Variants in FGL1 observed in about 807,000 individuals in gnomAD.
The protein encoded by FGL1 is fibrinogen-like protein 1.
A neutral mutation model predicts 43.7 loss-of-function variants in FGL1; 59 were observed. The observed-to-expected ratio is 1.35, with a 90% CI of 1.10 to 1.68. The LOEUF is 1.68. Ranked by LOEUF, FGL1 falls within the 40% of genes most tolerant of loss-of-function variation. FGL1 has a pLI of 0.00. For missense variants in FGL1, 596 were observed against 373.0 expected (o/e 1.60, Z -4.92); for synonymous variants, 192 against 126.5 (o/e 1.52, Z -3.48).
intron 5 of FGL1, 131 bp from the exon 6 acceptor site, chr8:17,869,135 T>C: frequency 1.8e-6 from 1 of 570,056 alleles, no homozygotes; most frequent in Non-Finnish European, 3.1e-6. Context: ...TTTTCAAAGA[T>C]TAAACAGTGA....
rs770590110 is a variant in FGL1 at position 17,882,133 on chromosome 8, AC to A, written c.109del (p.Val37CysfsTer86). The A allele has an allele frequency of 4.2e-5, 68 of 1,613,832 alleles. No homozygotes were observed. The highest frequency in any genetic ancestry group is 5.8e-5 in the Non-Finnish European group (68 of 1,180,004). On this transcript the variant is annotated frameshift_variant, in exon 3 of 8. Transcript: ENST00000427924. LOFTEE classifies it high-confidence loss of function. ...TTTGACCCGGGTCTCAAGCAGGCGC[AC>A]CTGGGCTCTGAGCCGCATCTGCTCC... ...AQEQMRLRAQ[V>X]RLLETRVKQQ...
Position 17,883,674 on chromosome 8 carries a change from T to C in FGL1, c.64-1495A>G, listed in dbSNP as rs1191109719. On this transcript the variant is annotated intron_variant, in intron 2 of 7. Transcript: ENST00000427924. Reference sequence around the variant, plus strand: ...ATAATACATTTATATTTATATAGTCTATAATATATATATATTTTTTATATA... The same window carrying C: ...ATAATACATTTATATTTATATAGTCCATAATATATATATATTTTTTATATA... 2.1e-5 allele frequency among the ~76,000 whole-genome samples: 3 copies of C among 146,156 alleles called. No individual in the cohort carries two copies. In the East Asian group the frequency reaches 5.9e-4, roughly 29 times the overall value.
rs553953738 is a variant in FGL1, at chr8:17,870,935, T to C, written c.503-1931A>G. 5.5e-4 allele frequency among the ~76,000 whole-genome samples: 70 copies of C among 127,656 alleles called. 1 individual carries two copies. The South Asian group carries it at 0.017, about 31-fold the overall frequency. 83.7% of individuals were successfully genotyped at this position (127,656 alleles called of 152,430 possible). ...AAAAAAGCCATTTTTTAGCCTCCCC[T>C]CAAGCTTAAGGGTGCACACACCAGG... On this transcript the variant is annotated intron_variant, in intron 5 of 7. Coordinates refer to ENST00000427924, the MANE Select transcript of FGL1 (RefSeq NM_004467.4).
intron 7 of FGL1, among the ~76,000 whole-genome samples, chr8:17,866,485 T>C (rs2053271378): frequency 6.6e-6 from 1 of 152,202 alleles, no homozygotes; most frequent in Non-Finnish European, 1.5e-5. Flanking sequence ...ATAGTAGGCA[T>C]GGTAGAAGTA....
At chr8:17,883,424 A>C (rs1395060033) in intron 2 of FGL1, among the ~76,000 whole-genome samples, 1 of 62,864 alleles carries the variant, frequency 1.6e-5, no homozygotes, top group African/African-American at 5.3e-5. Flanking sequence ...AAAATATATA[A>C]TATGAATATA....
intron 3 of FGL1, among the ~76,000 whole-genome samples, chr8:17,881,693 G>A (rs34517578): frequency 0.011 from 1,618 of 151,566 alleles, 11 homozygotes; most frequent in Non-Finnish European, 0.017. Context: ...AAGTAGCCGG[G>A]CCTGGTGGTG....
chr8:17,866,125 C>G (rs2053266168), intron 7 of FGL1, among the ~76,000 whole-genome samples: 1 of 152,148 alleles, frequency 6.6e-6, no homozygotes. Flanking sequence ...TTTGGTCTAT[C>G]ATTTGAATCC....
At chr8:17,890,165 C>T (rs560622408) in intron 1 of FGL1, among the ~76,000 whole-genome samples, 2 of 152,308 alleles carry the variant, frequency 1.3e-5, no homozygotes, top group Non-Finnish European at 2.9e-5. Context: ...AAAGACTCTA[C>T]GTTCAAAATT....
chr8:17,879,129 A>G (rs565050305), intron 3 of FGL1, among the ~76,000 whole-genome samples: 6 of 151,710 alleles, frequency 4.0e-5, no homozygotes, highest in South Asian at 2.1e-4. Flanking sequence ...TGGCTTTTAT[A>G]TCAAAAAACA....
At chr8:17,879,559 T>C (rs1001574322) in intron 3 of FGL1, among the ~76,000 whole-genome samples, 4 of 152,012 alleles carry the variant, frequency 2.6e-5, no homozygotes, top group African/African-American at 9.7e-5. Context: ...GAGATCTGGT[T>C]TTTGAAACAG....
Position 17,868,912 on chromosome 8 carries a change from G to T in FGL1, c.591+4C>A. 1 of 1,585,384 alleles carries T rather than the reference G, an allele frequency of 6.3e-7. No homozygotes were observed. The highest frequency in any genetic ancestry group is 1.2e-5 in the South Asian group (1 of 85,638). ...CGGTTTTACTTCTTAGAAAATTGTAGTACCTTTTCATCTCCAACTTTGAAA... is the reference window on the plus strand; with the variant it reads ...CGGTTTTACTTCTTAGAAAATTGTATTACCTTTTCATCTCCAACTTTGAAA... On this transcript the variant is annotated splice_donor_region_variant and intron_variant, in intron 6 of 7. Transcript: ENST00000427924.
chr8:17,889,136 A>G (rs2053669748), intron 1 of FGL1, among the ~76,000 whole-genome samples: 1 of 152,174 alleles, frequency 6.6e-6, no homozygotes, highest in African/African-American at 2.4e-5. Flanking sequence ...TATTACTTAC[A>G]TTAAAGGGCC....
intron 7 of FGL1, among the ~76,000 whole-genome samples, chr8:17,867,400 A>T (rs1253422160): frequency 6.6e-6 from 1 of 152,176 alleles, no homozygotes; most frequent in African/African-American, 2.4e-5. Context: ...AGGGGGAAAA[A>T]TCTTTTGGGT....
In FGL1 at chr8:17,882,120, C is replaced by G. The variant is rs888479866; in HGVS notation, c.123G>C (p.Glu41Asp). Reference sequence around the variant, plus strand: ...TGACCTGTTGCTGTTTGACCCGGGTCTCAAGCAGGCGCACCTGGGCTCTGA... The same window carrying G: ...TGACCTGTTGCTGTTTGACCCGGGTGTCAAGCAGGCGCACCTGGGCTCTGA... ...MRLRAQVRLLETRVKQQQVKI... is the reference protein window; with the variant it reads ...MRLRAQVRLLDTRVKQQQVKI... The change falls in exon 3 of 8, where the codon GAG becomes GAC. Residue 41 changes from glutamate to aspartate, a missense_variant. Glu to Asp is a conservative substitution (Grantham distance 45). Transcript: ENST00000427924. The G allele has an allele frequency of 3.7e-6, 6 of 1,614,036 alleles. No homozygotes were observed. The highest frequency in any genetic ancestry group is 1.3e-5 in the African/African-American group (1 of 75,016).
At chr8:17,867,626 A>T (rs1418823949) in intron 7 of FGL1, among the ~76,000 whole-genome samples, 1 of 152,252 alleles carries the variant, frequency 6.6e-6, no homozygotes, top group Non-Finnish European at 1.5e-5. Context: ...GAGCACTATG[A>T]AACTCCAACA....
chr8:17,868,815 G>T, intron 6 of FGL1, 80 bp from the exon 7 acceptor site: 3 of 1,483,254 alleles, frequency 2.0e-6, no homozygotes, highest in Admixed American at 2.1e-5. Flanking sequence ...ATAAACAAAA[G>T]AACAGGTTCT....
At chr8:17,871,352 G>A (rs1298044544) in intron 5 of FGL1, among the ~76,000 whole-genome samples, 2 of 152,018 alleles carry the variant, frequency 1.3e-5, no homozygotes, top group South Asian at 2.1e-4. Flanking sequence ...AAATTAGCTG[G>A]GTGTGGTGGT....
chr8:17,868,164 T>C (rs765085500), intron 7 of FGL1, among the ~76,000 whole-genome samples: 14 of 152,260 alleles, frequency 9.2e-5, no homozygotes, highest in Non-Finnish European at 1.8e-4. Flanking sequence ...ATTACAGCAA[T>C]AACGGTGGCT....
chr8:17,868,694 A>C lies in FGL1; in HGVS notation c.633T>G (p.Ala211=), dbSNP rs1356013571. ...GAAAATTCCCCGCAAGGGAATCTCC[A>C]GCTGTTCCAGAATATTCCCCAATAT... ...ELNIGEYSGT[A]GDSLAGNFHP... is the part of the protein sequence containing the mutation. Residue 211 remains alanine (A), a synonymous_variant, in exon 7 of 8, where the codon GCT becomes GCG. Transcript: ENST00000427924. 6.2e-7 allele frequency: 1 copy of C among 1,613,674 alleles called. No individual in the cohort carries two copies. The highest frequency in any genetic ancestry group is 8.5e-7 in the Non-Finnish European group (1 of 1,179,928).
Sources: gnomAD v4.1 joint callset for allele counts (sites outside exome capture counted in the v4.1 genomes callset) on GRCh38, gnomAD v4.1.1 for gene constraint, MANE v1.5 for transcripts, NCBI Gene and HGNC (gene_info 2026-07-23, HGNC 2026-07-21) for gene names.